PEAK1: variants seen among roughly 807,000 people sequenced by gnomAD.
PEAK1 encodes the protein pseudopodium enriched atypical kinase 1.
In PEAK1, 54 loss-of-function variants were observed where a neutral mutation model predicts 124.7. The ratio of observed to expected loss-of-function variants is 0.43; its 90% CI spans 0.35 to 0.54. The LOEUF (loss-of-function observed/expected upper bound fraction) is 0.54. Ranked by LOEUF, PEAK1 falls within the 20% of genes least tolerant of loss-of-function variation. The pLI is 0.01. For synonymous variants in PEAK1, 719 were observed against 760.0 expected (o/e 0.95, Z 0.89); for missense variants, 2,046 against 2,134.5 (o/e 0.96, Z 0.82).
chr15:77,355,178 C>A (rs543141011), intron 2 of PEAK1, among the ~76,000 whole-genome samples: 2 of 152,116 alleles, frequency 1.3e-5, no homozygotes, highest in Non-Finnish European at 2.9e-5. Flanking sequence ...GGATTTATAA[C>A]GGAAAGTAGC....
chr15:77,379,645 G>C (rs1597512281), intron 1 of PEAK1, among the ~76,000 whole-genome samples: 1 of 151,934 alleles, frequency 6.6e-6, no homozygotes, highest in Non-Finnish European at 1.5e-5. Context: ...CCAACCCAAG[G>C]GCCCATCCAA....
At chr15:77,195,202 T>A (rs553624104) in intron 6 of PEAK1, among the ~76,000 whole-genome samples, 1 of 152,186 alleles carries the variant, frequency 6.6e-6, no homozygotes, top group African/African-American at 2.4e-5. Flanking sequence ...CTATTCAAAC[T>A]GAAAATATTT....
rs1450173755 is a variant in PEAK1 at position 77,322,676 on chromosome 15, T to A, written c.-602-36172A>T. 2.0e-5 allele frequency among the ~76,000 whole-genome samples: 3 copies of A among 152,326 alleles called. No individual in the cohort carries two copies. In the East Asian group the frequency reaches 5.8e-4, roughly 29 times the overall value. On this transcript the variant is annotated intron_variant, in intron 2 of 9. Coordinates refer to ENST00000682557, the MANE Select transcript of PEAK1 (RefSeq NM_001385026.1). ...AAAAAAAGTCCAGGACCAGATGGAT[T>A]CACAGCCAAATTCTACCAGAGGTAC... is the stretch of plus-strand genomic sequence containing the variant.
chr15:77,417,608 G>A (rs2072993948), intron 1 of PEAK1: 1 of 985,226 alleles, frequency 1.0e-6, no homozygotes, highest in Non-Finnish European at 1.2e-6. Flanking sequence ...GGCATGCCAG[G>A]GGCCACAGTT....
intron 2 of PEAK1, chr15:77,349,458 A>G: frequency 3.0e-6 from 3 of 984,372 alleles, no homozygotes; most frequent in Non-Finnish European, 3.6e-6. Context: ...TTAAATTGCC[A>G]AAGACACATT....
At chr15:77,107,112 T>C (rs2050763109), downstream of PEAK1, 1 of 152,354 alleles carries the variant, frequency 6.6e-6, no homozygotes, top group Non-Finnish European at 1.5e-5. Flanking sequence ...GTACGCTCTG[T>C]TTCTGTGACC....
At chr15:77,169,329 T>C (rs1282269327) in intron 7 of PEAK1, among the ~76,000 whole-genome samples, 1 of 152,244 alleles carries the variant, frequency 6.6e-6, no homozygotes, top group Non-Finnish European at 1.5e-5. Flanking sequence ...CTGGGCAATT[T>C]GTGTTGGGAG....
chr15:77,313,862 G>A (rs1262511636), intron 2 of PEAK1, among the ~76,000 whole-genome samples: 3 of 151,552 alleles, frequency 2.0e-5, no homozygotes, highest in Non-Finnish European at 4.4e-5. Flanking sequence ...GATTACAGGT[G>A]TGAGCCACCG....
chr15:77,259,064 A>AT (rs2152935236), intron 5 of PEAK1, among the ~76,000 whole-genome samples: 1 of 152,150 alleles, frequency 6.6e-6, no homozygotes, highest in South Asian at 2.1e-4. Flanking sequence ...TCTATGGCTG[A>AT]TTTTTTACCG....
chr15:77,197,437 C>A (rs2058161727), intron 6 of PEAK1, among the ~76,000 whole-genome samples: 1 of 152,064 alleles, frequency 6.6e-6, no homozygotes, highest in Non-Finnish European at 1.5e-5. Flanking sequence ...ATAGCAAGAA[C>A]ATATTCATCA....
intron 6 of PEAK1, among the ~76,000 whole-genome samples, chr15:77,227,719 T>C (rs754801486): frequency 2.0e-5 from 3 of 152,114 alleles, no homozygotes; most frequent in Non-Finnish European, 4.4e-5. Context: ...AAAATGAGGC[T>C]GGGCACAGTT....
At chr15:77,231,051 T>A (rs1175562060) in intron 6 of PEAK1, among the ~76,000 whole-genome samples, 1 of 152,180 alleles carries the variant, frequency 6.6e-6, no homozygotes, top group Non-Finnish European at 1.5e-5. Context: ...TATATAATAT[T>A]TGATGACTGA....
rs186739589 is a variant in PEAK1, at chr15:77,366,139, T to G, written c.-665-914A>C. Among the ~76,000 whole-genome samples, 238 of 152,338 alleles carry G rather than the reference T, an allele frequency of 1.6e-3. 2 individuals are homozygous for G. Among genetic ancestry groups the G allele is most frequent in the Non-Finnish European group, 2.9e-5 (2 of 68,024 alleles). On this transcript the variant is annotated intron_variant, in intron 1 of 9. Coordinates refer to ENST00000682557, the MANE Select transcript of PEAK1 (RefSeq NM_001385026.1). ...CCAGTTCTTCTCCTTACCAGACTCA[T>G]GGTAAGATTGCACCTCACTGCCCTC...
chr15:77,278,802 C>A, intron 5 of PEAK1: 8 of 321,676 alleles, frequency 2.5e-5, no homozygotes, highest in South Asian at 9.0e-5. Flanking sequence ...CTATTTTTAT[C>A]AAGTTTTATA....
intron 2 of PEAK1, chr15:77,333,260 C>T (rs1210058491): frequency 1.1e-6 from 1 of 936,728 alleles, no homozygotes; most frequent in South Asian, 4.9e-5. Context: ...GCTGGGATTA[C>T]AGGCACGAGC....
intron 1 of PEAK1, among the ~76,000 whole-genome samples, chr15:77,414,207 C>CT (rs71145827): frequency 0.03 from 2,007 of 67,936 alleles, 90 homozygotes; most frequent in African/African-American, 0.049. Context: ...TTCTTTCCTT[C>CT]TTTTTTTTTT....
intron 1 of PEAK1, among the ~76,000 whole-genome samples, chr15:77,400,217 T>C (rs1204879078): frequency 1.3e-5 from 2 of 152,044 alleles, no homozygotes; most frequent in East Asian, 3.9e-4. Flanking sequence ...GAAATGTAAA[T>C]TAATTAGTAC....
At chr15:77,345,132 C>T (rs145872187) in intron 2 of PEAK1, among the ~76,000 whole-genome samples, 1,701 of 152,232 alleles carry the variant, frequency 0.011, 41 homozygotes, top group African/African-American at 0.039. Context: ...TAGAGCAAAA[C>T]CTTACAGTTT....
chr15:77,389,684 G>T (rs1044227642), intron 1 of PEAK1, among the ~76,000 whole-genome samples: 5 of 152,090 alleles, frequency 3.3e-5, no homozygotes, highest in African/African-American at 1.2e-4. Flanking sequence ...ATTGGAGGAG[G>T]CATCAAGGTG....
Sources: allele counts gnomAD v4.1 joint callset (sites outside exome capture counted in the v4.1 genomes callset), GRCh38; gene constraint gnomAD v4.1.1; transcripts MANE v1.5; gene names NCBI Gene and HGNC (gene_info 2026-07-23, HGNC 2026-07-21).